Variants in GRIK2 observed in about 807,000 individuals in gnomAD.
GRIK2 encodes glutamate receptor ionotropic, kainate 2.
GRIK2 carries 32 observed loss-of-function variants against 100.3 expected under a neutral mutation model. The observed-to-expected ratio is 0.32, with a 90% CI of 0.24 to 0.43. GRIK2 has a LOEUF of 0.43. GRIK2 is among the 20% of genes least tolerant of loss of function. The pLI, the probability that GRIK2 is intolerant of heterozygous loss-of-function variation, is 1.00. For missense variants in GRIK2, 843 were observed against 1,114.9 expected, an observed-to-expected ratio of 0.76 and a Z score of 3.47; for synonymous variants, 417 against 389.4, an observed-to-expected ratio of 1.07 and a Z score of -0.83.
intron 9 of GRIK2, among the ~76,000 whole-genome samples, chr6:101,815,018 A>G (rs1402555416): frequency 2.0e-5 from 3 of 152,162 alleles, no homozygotes; most frequent in East Asian, 3.9e-4. Context: ...ATTATTTCCC[A>G]TTTACAGATG....
At chr6:101,585,402 A>G (rs562762682) in intron 2 of GRIK2, among the ~76,000 whole-genome samples, 13 of 152,102 alleles carry the variant, frequency 8.5e-5, no homozygotes, top group Non-Finnish European at 1.6e-4. Context: ...TCTTTATTCA[A>G]TCATTCAGTC....
chr6:101,953,862 T>A (rs886915902), intron 14 of GRIK2, among the ~76,000 whole-genome samples: 1 of 152,154 alleles, frequency 6.6e-6, no homozygotes, highest in South Asian at 2.1e-4. Flanking sequence ...CTACTATATT[T>A]TTTTCTAAGA....
At chr6:101,955,380 A>C (rs1791850685) in intron 14 of GRIK2, among the ~76,000 whole-genome samples, 2 of 152,176 alleles carry the variant, frequency 1.3e-5, no homozygotes, top group Admixed American at 1.3e-4. Context: ...GCCTGGGCAC[A>C]GTGGCTCATG....
intron 2 of GRIK2, among the ~76,000 whole-genome samples, chr6:101,516,891 A>C (rs1774614314): frequency 7.7e-6 from 1 of 129,172 alleles, no homozygotes; most frequent in African/African-American, 2.6e-5. Context: ...TGTTGGAAAA[A>C]TTCATATGCT....
chr6:101,621,704 A>G (rs1489840623), intron 2 of GRIK2, among the ~76,000 whole-genome samples: 4 of 152,102 alleles, frequency 2.6e-5, no homozygotes, highest in African/African-American at 4.8e-5. Flanking sequence ...TTTGGCAGCA[A>G]TACTAAGGCA....
At chr6:101,931,929 G>A (rs76446711) in intron 14 of GRIK2, among the ~76,000 whole-genome samples, 1,727 of 152,078 alleles carry the variant, frequency 0.011, 36 homozygotes, top group African/African-American at 0.04. Flanking sequence ...TAGAACTGAA[G>A]TTTCACCCCC....
intron 8 of GRIK2, 56 bp downstream of exon 8, chr6:101,799,847 T>G: frequency 7.1e-6 from 10 of 1,402,334 alleles, no homozygotes; most frequent in Non-Finnish European, 1.0e-5. Context: ...CTGAATGAAG[T>G]GAGATTATTG....
intron 9 of GRIK2, among the ~76,000 whole-genome samples, chr6:101,816,884 C>T (rs1781665557): frequency 6.6e-6 from 1 of 152,098 alleles, no homozygotes; most frequent in East Asian, 1.9e-4. Context: ...CCCCAAGGCA[C>T]ACAGCTGTTG....
At chr6:101,450,285 C>G (rs909820722) in intron 2 of GRIK2, among the ~76,000 whole-genome samples, 2 of 151,600 alleles carry the variant, frequency 1.3e-5, no homozygotes, top group African/African-American at 4.8e-5. Context: ...TGACTATAAA[C>G]AAGACAAGAG....
chr6:101,757,671 A>G (rs373780156), intron 7 of GRIK2, among the ~76,000 whole-genome samples: 3 of 152,174 alleles, frequency 2.0e-5, no homozygotes, highest in African/African-American at 7.2e-5. Context: ...GAGTAATTTC[A>G]CAAACTGAGT....
rs75279084 is a variant in GRIK2, at chr6:101,539,025, G to A, written c.116-82924G>A. Among the ~76,000 whole-genome samples, 9 of 149,374 alleles carry A rather than the reference G, an allele frequency of 6.0e-5. No individual in the cohort carries two copies. The South Asian group carries it at 1.2e-3, about 21-fold the overall frequency. On this transcript the variant is annotated intron_variant, in intron 2 of 16. Coordinates refer to ENST00000369134, the MANE Select transcript of GRIK2 (RefSeq NM_021956.5). ...AAAATCTGGCATGTTGAAAAAAAAA[G>A]AGAATTTCAGGGTTCATCTAGCAAA...
intron 7 of GRIK2, among the ~76,000 whole-genome samples, chr6:101,776,175 G>A (rs1778734757): frequency 6.6e-6 from 1 of 152,100 alleles, no homozygotes; most frequent in African/African-American, 2.4e-5. Context: ...CAGCAATGAA[G>A]GTGAAACAAC....
intron 7 of GRIK2, among the ~76,000 whole-genome samples, chr6:101,732,284 G>C (rs547865680): frequency 6.6e-6 from 1 of 151,978 alleles, no homozygotes; most frequent in East Asian, 1.9e-4. Flanking sequence ...AAATACGTAA[G>C]GGTTTGATTA....
intron 2 of GRIK2, among the ~76,000 whole-genome samples, chr6:101,488,122 A>T (rs1772921909): frequency 3.4e-5 from 5 of 146,824 alleles, no homozygotes; most frequent in Admixed American, 3.4e-4. Flanking sequence ...AGGCATCATT[A>T]GTGCTTCTAA....
At chr6:101,479,648 G>A (rs1772424265) in intron 2 of GRIK2, among the ~76,000 whole-genome samples, 2 of 152,130 alleles carry the variant, frequency 1.3e-5, no homozygotes, top group South Asian at 4.1e-4. Flanking sequence ...GGAACAATAA[G>A]TAGATTATCA....
Position 101,955,576 on chromosome 6 carries a change from T to TTTCTCTCTCTCTCTCTCTCTC in GRIK2, c.2085+26945_2085+26946insTCTCTCTCTCTCTCTCTCTCT, listed in dbSNP as rs1491467842. ...CCAGCCTGAGCAACAGAGCAAGGCC[T>TTTCTCTCTCTCTCTCTCTCTC]TCTCTCTCTCTCTCTCTCTCTCTCT... On this transcript the variant is annotated intron_variant, in intron 14 of 16. Transcript: ENST00000369134. Among the ~76,000 whole-genome samples the TTTCTCTCTCTCTCTCTCTCTC allele has an allele frequency of 3.7e-4, 43 of 116,346 alleles. 1 individual carries two copies. The highest frequency in any genetic ancestry group is 1.5e-3 in the African/African-American group (41 of 26,526). 76.3% of individuals were successfully genotyped at this position (116,346 alleles called of 152,430 possible).
chr6:101,623,448 A>C (rs1780272207), intron 3 of GRIK2, among the ~76,000 whole-genome samples: 2 of 152,136 alleles, frequency 1.3e-5, no homozygotes, highest in African/African-American at 4.8e-5. Context: ...CAAGACTATT[A>C]CATTTGATTA....
chr6:101,495,746 CAG>C (rs1382225335), intron 2 of GRIK2, among the ~76,000 whole-genome samples: 2 of 151,846 alleles, frequency 1.3e-5, no homozygotes, highest in African/African-American at 4.8e-5. Flanking sequence ...AGACCTCAAA[CAG>C]GGTATATTGG....
At chr6:101,615,061 T>A (rs1411651194) in intron 2 of GRIK2, among the ~76,000 whole-genome samples, 1 of 151,782 alleles carries the variant, frequency 6.6e-6, no homozygotes, top group Non-Finnish European at 1.5e-5. Context: ...AAACCAGGGA[T>A]CACTTGACAT....
Sources: gnomAD v4.1 joint callset for allele counts (sites outside exome capture counted in the v4.1 genomes callset) on GRCh38, gnomAD v4.1.1 for gene constraint, MANE v1.5 for transcripts, NCBI Gene and HGNC (gene_info 2026-07-23, HGNC 2026-07-21) for gene names.